The following SLAMF6 variants were observed in gnomAD, a reference collection of about 807,000 sequenced individuals.
SLAMF6 encodes SLAM family member 6, also known as NK-T-B-antigen.
Under a neutral mutation model 38.3 loss-of-function variants are expected in SLAMF6, and 21 were observed. The observed-to-expected ratio is 0.55, with a 90% CI of 0.39 to 0.79. The LOEUF is 0.79. Ranked by LOEUF, SLAMF6 falls within the 30% of genes least tolerant of loss-of-function variation. The pLI, the probability that SLAMF6 is intolerant of heterozygous loss-of-function variation, is 0.00. For missense variants in SLAMF6, 341 were observed against 385.3 expected, an observed-to-expected ratio of 0.89 and a Z score of 0.96; for synonymous variants, 152 against 146.3, an observed-to-expected ratio of 1.04 and a Z score of -0.28.
At chr1:160,522,449 T>C (rs1042138149) in intron 1 of SLAMF6, among the ~76,000 whole-genome samples, 5 of 152,186 alleles carry the variant, frequency 3.3e-5, no homozygotes, top group African/African-American at 1.2e-4. Context: ...CTACACTTTG[T>C]CTCCCGTGGA....
At chr1:160,500,394 G>C (rs915645506) in intron 1 of SLAMF6, among the ~76,000 whole-genome samples, 1 of 152,078 alleles carries the variant, frequency 6.6e-6, no homozygotes, top group African/African-American at 2.4e-5. Flanking sequence ...GCAGGCCAGG[G>C]CTTTTGCATT....
Position 160,486,759 on chromosome 1 carries a change from G to C in SLAMF6, c.952-5C>G. 1 of 1,613,766 alleles carries C rather than the reference G, an allele frequency of 6.2e-7. No homozygotes were observed. The highest frequency in any genetic ancestry group is 1.3e-5 in the African/African-American group (1 of 75,010). The stretch of plus-strand genomic sequence containing the variant: ...CCTGGAAAAAGTGGGTTTACTCTGT[G>C]GGAAAAAGAGGAAGATGAGGTAGGT... On this transcript the variant is annotated splice_polypyrimidine_tract_variant and splice_region_variant and intron_variant, in intron 7 of 7. Coordinates refer to ENST00000368057, the MANE Select transcript of SLAMF6 (RefSeq NM_001184714.2).
chr1:160,510,988 A>G (rs1272483331), intron 1 of SLAMF6, among the ~76,000 whole-genome samples: 1 of 152,230 alleles, frequency 6.6e-6, no homozygotes, highest in African/African-American at 2.4e-5. Context: ...CATGTACAGT[A>G]GCATTCAAAA....
Position 160,487,141 on chromosome 1 carries a change from G to C in SLAMF6, c.914C>G (p.Thr305Ser). 6.2e-7 allele frequency: 1 copy of C among 1,613,302 alleles called. No homozygotes were observed. ...TEIWTPREND[T>S]ITIYSTINHS... ...ATTAATTGTGGAGTAAATTGTGATAGTATCATTTTCTCTAGGTGTCCAGAT... is the reference window on the plus strand; with the variant it reads ...ATTAATTGTGGAGTAAATTGTGATACTATCATTTTCTCTAGGTGTCCAGAT... Residue 305 changes from threonine to serine, a missense_variant, in exon 7 of 8, where the codon ACT (threonine) becomes AGT (serine). Physicochemically the swap from Thr to Ser is moderately conservative, Grantham distance 58 (BLOSUM62 1). Transcript: ENST00000368057.
intron 5 of SLAMF6, among the ~76,000 whole-genome samples, chr1:160,489,385 G>A (rs1255125611): frequency 6.6e-6 from 1 of 152,162 alleles, no homozygotes; most frequent in African/African-American, 2.4e-5. Context: ...TGGGGTAGAA[G>A]GTGGTGTTGA....
chr1:160,503,359 G>A (rs1042544950), intron 1 of SLAMF6, among the ~76,000 whole-genome samples: 14 of 152,076 alleles, frequency 9.2e-5, no homozygotes, highest in African/African-American at 3.4e-4. Flanking sequence ...CATTCATGGA[G>A]TCCATCCAGT....
rs1449643516 is a variant in SLAMF6, at chr1:160,487,096, G to T, written c.951+8C>A. 1 of 1,601,566 alleles carries T rather than the reference G, an allele frequency of 6.2e-7. No individual in the cohort carries two copies. Among genetic ancestry groups the T allele is most frequent in the Non-Finnish European group, 8.6e-7 (1 of 1,169,378 alleles). ...GAATATAAAAACATGGAGCAATCGT[G>T]GGCTTACCTCTTTGGAATGATTAAT... On this transcript the variant is annotated splice_region_variant and intron_variant, in intron 7 of 7. Transcript: ENST00000368057.
At chr1:160,501,553 G>A (rs1033805116) in intron 1 of SLAMF6, among the ~76,000 whole-genome samples, 5 of 152,292 alleles carry the variant, frequency 3.3e-5, no homozygotes, top group African/African-American at 9.6e-5. Context: ...CTCCATGGGA[G>A]CAAAAATTTA....
chr1:160,486,576 G>T lies in SLAMF6; in HGVS notation c.*131C>A. The stretch of plus-strand genomic sequence containing the variant: ...CAGGTTTAAGTCCGAAGGACTGGAG[G>T]TGATCATCCTATCCTAGATATTCAA... On this transcript the variant is annotated 3_prime_UTR_variant, in exon 8 of 8. Transcript: ENST00000368057. The T allele has an allele frequency of 1.1e-6, 1 of 890,820 alleles. No homozygotes were observed. The highest frequency in any genetic ancestry group is 1.7e-5 in the African/African-American group (1 of 60,034). The allele number at this position is 890,820 out of a possible 1,614,324, so 55.2% of individuals were successfully genotyped here.
chr1:160,487,745 C>A (rs920701239), intron 6 of SLAMF6, among the ~76,000 whole-genome samples: 2 of 152,058 alleles, frequency 1.3e-5, no homozygotes, highest in African/African-American at 4.8e-5. Flanking sequence ...CCTCAAAGAA[C>A]CTACTCAAAG....
intron 2 of SLAMF6, 100 bp from the exon 3 acceptor site, chr1:160,491,488 T>C: frequency 6.7e-7 from 1 of 1,501,616 alleles, no homozygotes; most frequent in South Asian, 1.3e-5. Flanking sequence ...ATTTCACCTT[T>C]GCTGTGTGTT....
intron 1 of SLAMF6, among the ~76,000 whole-genome samples, chr1:160,499,937 A>G (rs1653796199): frequency 1.3e-5 from 2 of 152,244 alleles, no homozygotes; most frequent in African/African-American, 4.8e-5. Flanking sequence ...ACATGGGTGA[A>G]TACCACAAGC....
rs1458937508 is a variant in SLAMF6 at position 160,485,929 on chromosome 1, T to C, written c.*778A>G. 2 of 152,596 alleles carry C rather than the reference T, an allele frequency of 1.3e-5. No individual in the cohort carries two copies. Among genetic ancestry groups the C allele is most frequent in the African/African-American group, 4.8e-5 (2 of 41,432 alleles). The allele number at this position is 152,596 out of a possible 1,614,324, so 9.5% of individuals were successfully genotyped here. ...AGATTCTTGGCTCAAACAATGGAGC[T>C]GATGTAATACCATCCTCTTCCTTTT... On this transcript the variant is annotated 3_prime_UTR_variant, in exon 8 of 8. Coordinates refer to ENST00000368057, the MANE Select transcript of SLAMF6 (RefSeq NM_001184714.2).
intron 1 of SLAMF6, among the ~76,000 whole-genome samples, chr1:160,511,331 T>C (rs1054088342): frequency 1.3e-5 from 2 of 152,136 alleles, no homozygotes; most frequent in African/African-American, 4.8e-5. Flanking sequence ...GATACAGATA[T>C]GGTAATCAAA....
intron 1 of SLAMF6, among the ~76,000 whole-genome samples, chr1:160,501,309 T>A (rs571049094): frequency 2.0e-5 from 3 of 152,306 alleles, no homozygotes; most frequent in East Asian, 3.9e-4. Flanking sequence ...TTAGTTCTGA[T>A]GTGGTGGGTT....
chr1:160,490,068 C>T, intron 5 of SLAMF6, 130 bp downstream of exon 5: 4 of 1,040,520 alleles, frequency 3.8e-6, no homozygotes, highest in Non-Finnish European at 3.0e-6. Context: ...CCCCTCACAG[C>T]ATGTGGTCTG....
At chr1:160,487,963 G>A (rs1320537416) in intron 6 of SLAMF6, among the ~76,000 whole-genome samples, 3 of 151,756 alleles carry the variant, frequency 2.0e-5, no homozygotes, top group African/African-American at 4.8e-5. Context: ...GATGGTGCTC[G>A]CCTGTAGTCG....
rs1652969233 is a variant in SLAMF6 at position 160,486,510 on chromosome 1, G to A, written c.*197C>T. On this transcript the variant is annotated 3_prime_UTR_variant, in exon 8 of 8. Coordinates refer to ENST00000368057, the MANE Select transcript of SLAMF6 (RefSeq NM_001184714.2). ...TTGGAAAATATTATTTGAACCACAT[G>A]CTGGAAATGATGTTATCCTTAGGTG... 8.9e-6 allele frequency: 5 copies of A among 561,092 alleles called. No individual in the cohort carries two copies. In the South Asian group the frequency reaches 1.1e-4, roughly 13 times the overall value. The allele number at this position is 561,092 out of a possible 1,614,324, so 34.8% of individuals were successfully genotyped here. A position where few individuals can be genotyped will look rare whatever the true frequency, so the allele number is the denominator to read the frequency against.
Position 160,496,300 on chromosome 1 carries a change from T to C in SLAMF6, c.143A>G (p.Glu48Gly). Residue 48 changes from glutamate to glycine, a missense_variant, in exon 2 of 8, where the codon GAG (glutamate) becomes GGG (glycine). By Grantham distance (98) the Glu-to-Gly change is moderately conservative. Coordinates refer to ENST00000368057, the MANE Select transcript of SLAMF6 (RefSeq NM_001184714.2). ...VTLPLEFPAG[E>G]KVNFITWLFN... ...AAGCCAAGTGATGAAGTTGACCTTC[T>C]CTCCTGCAGGAAACTCCAGGGGAAG... The C allele has an allele frequency of 6.2e-7, 1 of 1,613,966 alleles. No homozygotes were observed. Among genetic ancestry groups the C allele is most frequent in the Non-Finnish European group, 8.5e-7 (1 of 1,179,918 alleles).
Sources: gnomAD v4.1 joint callset for allele counts (sites outside exome capture counted in the v4.1 genomes callset) on GRCh38, gnomAD v4.1.1 for gene constraint, MANE v1.5 for transcripts, NCBI Gene and HGNC (gene_info 2026-07-23, HGNC 2026-07-21) for gene names.